The following DPH6 variants were observed in gnomAD, a reference collection of about 807,000 sequenced individuals.
The protein encoded by DPH6 is diphthamine biosynthesis 6, also known as diphthine--ammonia ligase.
A neutral mutation model predicts 38.2 loss-of-function variants in DPH6; 33 were observed. That is an observed-to-expected ratio of 0.86 (90% confidence interval 0.65 to 1.15). The LOEUF (loss-of-function observed/expected upper bound fraction) is 1.15, where lower values mean the gene tolerates loss of function less well. Among genes scored for constraint, DPH6 ranks in the 50% most tolerant of loss-of-function variants. The probability of loss-of-function intolerance (pLI) is 0.00; values close to 1 mark genes in which losing one functional copy is unlikely to be tolerated. For missense variants in DPH6, 325 were observed against 320.0 expected (o/e 1.02, Z -0.12); for synonymous variants, 108 against 103.0 (o/e 1.05, Z -0.30).
At chr15:35,222,711 G>A (rs146493320) in intron 3 of DPH6, among the ~76,000 whole-genome samples, 53 of 152,300 alleles carry the variant, frequency 3.5e-4, no homozygotes, top group African/African-American at 1.1e-3. Flanking sequence ...GGAAGAGGAA[G>A]CAATCAGATA....
At chr15:35,275,851 G>A (rs1172095626) in intron 3 of DPH6, among the ~76,000 whole-genome samples, 1 of 152,050 alleles carries the variant, frequency 6.6e-6, no homozygotes, top group African/African-American at 2.4e-5. Context: ...CTTGTTGATT[G>A]ATGGCCATTG....
At chr15:35,530,465 G>C (rs1281355934) in intron 3 of DPH6, among the ~76,000 whole-genome samples, 2 of 152,144 alleles carry the variant, frequency 1.3e-5, no homozygotes, top group Non-Finnish European at 2.9e-5. Flanking sequence ...GAAATCCATA[G>C]TTTGTAGAAG....
At chr15:35,410,996 T>C in intron 5 of DPH6, 100 bp from the exon 6 acceptor site, 1 of 1,013,784 alleles carries the variant, frequency 9.9e-7, no homozygotes, top group Non-Finnish European at 1.4e-6. Flanking sequence ...AAAAGCAGTG[T>C]GTATATATTT....
chr15:35,405,758 C>T (rs1369596923), intron 6 of DPH6, among the ~76,000 whole-genome samples: 1 of 152,024 alleles, frequency 6.6e-6, no homozygotes, highest in Non-Finnish European at 1.5e-5. Flanking sequence ...GTGAAATGGG[C>T]ATCTTTGTCA....
At chr15:35,213,012 A>C (rs749998296), downstream of DPH6, among the ~76,000 whole-genome samples, 2 of 152,250 alleles carry the variant, frequency 1.3e-5, no homozygotes, top group African/African-American at 2.4e-5. Flanking sequence ...TAAAATATTA[A>C]AGAAATTCAT....
intron 3 of DPH6, among the ~76,000 whole-genome samples, chr15:35,333,589 A>AC (rs1432815885): frequency 2.0e-5 from 3 of 152,178 alleles, no homozygotes; most frequent in Non-Finnish European, 4.4e-5. Flanking sequence ...ATACATGATG[A>AC]AACTTAAAGC....
chr15:35,523,877 T>C (rs918523426), intron 3 of DPH6, among the ~76,000 whole-genome samples: 1 of 152,050 alleles, frequency 6.6e-6, no homozygotes, highest in African/African-American at 2.4e-5. Flanking sequence ...ATCAATTCAA[T>C]TTAGGGCCTC....
intron 3 of DPH6, among the ~76,000 whole-genome samples, chr15:35,297,813 T>G (rs1370723847): frequency 6.6e-6 from 1 of 151,028 alleles, no homozygotes; most frequent in Non-Finnish European, 1.5e-5. Context: ...CAAAAAAACT[T>G]TCTCTCCACT....
the DPH6 span, among the ~76,000 whole-genome samples, chr15:35,168,794 A>T: frequency 6.6e-6 from 1 of 152,168 alleles, no homozygotes. Flanking sequence ...TATTTTCTCT[A>T]AAACTACTCC....
intron 3 of DPH6, chr15:35,490,217 A>G (rs2054458317): frequency 1.0e-6 from 1 of 984,370 alleles, no homozygotes; most frequent in East Asian, 1.1e-4. Flanking sequence ...GAAAGGAAGG[A>G]AGGAAAGAAA....
At chr15:35,450,957 T>C (rs979250641) in intron 4 of DPH6, among the ~76,000 whole-genome samples, 154 bp from the exon 5 acceptor site, 5 of 152,194 alleles carry the variant, frequency 3.3e-5, no homozygotes, top group Admixed American at 3.3e-4. Context: ...TGTTTATATA[T>C]ACAACATAAA....
chr15:35,487,797 A>G (rs1457917317), intron 3 of DPH6, among the ~76,000 whole-genome samples: 2 of 152,198 alleles, frequency 1.3e-5, no homozygotes, highest in South Asian at 2.1e-4. Context: ...TTTATTTTCT[A>G]TCACATGGTG....
the DPH6 span, among the ~76,000 whole-genome samples, chr15:35,192,327 C>A: frequency 1.3e-5 from 2 of 152,266 alleles, no homozygotes; most frequent in Admixed American, 1.3e-4. Flanking sequence ...GAAAGCAACA[C>A]GTAAAGTTCC....
In DPH6 at chr15:35,322,515, C is replaced by T. The variant is rs144765967; in HGVS notation, n.200+51006G>A. ...GCAAAGGCAGTTTCACGACCATTTTCTAATAATTTTTGGTCATGTCATATC... is the reference window on the plus strand; with the variant it reads ...GCAAAGGCAGTTTCACGACCATTTTTTAATAATTTTTGGTCATGTCATATC... On this transcript the variant is annotated intron_variant and non_coding_transcript_variant, in intron 3 of 3. Transcript: ENST00000560386. Among the ~76,000 whole-genome samples the T allele has an allele frequency of 4.5e-3, 686 of 152,264 alleles. 4 individuals carry two copies. The highest frequency in any genetic ancestry group is 5.6e-3 in the Admixed American group (85 of 15,288).
At chr15:35,460,130 T>C (rs536677143) in intron 3 of DPH6, among the ~76,000 whole-genome samples, 2 of 152,274 alleles carry the variant, frequency 1.3e-5, no homozygotes, top group East Asian at 3.9e-4. Context: ...TATGACCATT[T>C]AGGAGAAAGC....
intron 7 of DPH6, among the ~76,000 whole-genome samples, chr15:35,376,760 G>A (rs1403468686): frequency 6.6e-6 from 1 of 152,040 alleles, no homozygotes; most frequent in African/African-American, 2.4e-5. Flanking sequence ...ATTTACCACT[G>A]TGTTACAGTT....
At chr15:35,448,934 C>A (rs144209781) in intron 5 of DPH6, among the ~76,000 whole-genome samples, 1 of 149,732 alleles carries the variant, frequency 6.7e-6, no homozygotes, top group African/African-American at 2.4e-5. Context: ...GAAAAATGGT[C>A]CACAAAATTT....
At chr15:35,176,776 G>T in the DPH6 span, among the ~76,000 whole-genome samples, 1 of 152,056 alleles carries the variant, frequency 6.6e-6, no homozygotes, top group Non-Finnish European at 1.5e-5. Context: ...TGGCCTGTAA[G>T]GTCTTTTAAT....
intron 1 of DPH6, among the ~76,000 whole-genome samples, chr15:35,544,152 C>T (rs565267669): frequency 6.6e-6 from 1 of 152,172 alleles, no homozygotes; most frequent in African/African-American, 2.4e-5. Context: ...TTTTAGTTTC[C>T]AACTCTGGGA....
Sources: allele counts gnomAD v4.1 joint callset (sites outside exome capture counted in the v4.1 genomes callset), GRCh38; gene constraint gnomAD v4.1.1; transcripts MANE v1.5; gene names NCBI Gene and HGNC (gene_info 2026-07-23, HGNC 2026-07-21).